Variants in CALN1 observed in about 807,000 individuals in gnomAD.
CALN1 encodes calneuron 1.
A neutral mutation model predicts 30.6 loss-of-function variants in CALN1; 17 were observed. The observed-to-expected ratio is 0.56, with a 90% CI of 0.38 to 0.83. The LOEUF (loss-of-function observed/expected upper bound fraction) is 0.83. Among genes scored for constraint, CALN1 ranks in the 40% least tolerant of loss-of-function variants. The probability of loss-of-function intolerance (pLI) is 0.00; values close to 1 mark genes in which losing one functional copy is unlikely to be tolerated. For missense variants in CALN1, 291 were observed against 354.9 expected, an observed-to-expected ratio of 0.82 and a Z score of 1.45; for synonymous variants, 156 against 131.4, an observed-to-expected ratio of 1.19 and a Z score of -1.28.
chr7:72,265,353 A>C (rs1796532888), intron 3 of CALN1, among the ~76,000 whole-genome samples: 1 of 152,182 alleles, frequency 6.6e-6, no homozygotes, highest in East Asian at 1.9e-4. Flanking sequence ...TTGCTGCTAG[A>C]ACATGTTGCT....
intron 2 of CALN1, among the ~76,000 whole-genome samples, chr7:72,283,142 TAAG>T (rs1797847456): frequency 6.6e-6 from 1 of 151,712 alleles, no homozygotes; most frequent in Admixed American, 6.6e-5. Context: ...GCCAGGTAAA[TAAG>T]TAGTTTGACC....
At position 72,343,739 on chromosome 7, in the gene CALN1, T is replaced by C. The variant is rs61650618; in HGVS notation, c.119+59512A>G. Among the ~76,000 whole-genome samples, 526 of 152,288 alleles carry C rather than the reference T, an allele frequency of 3.5e-3. 3 individuals are homozygous for C. The highest frequency in any genetic ancestry group is 0.012 in the African/African-American group (498 of 41,564). ...GTTTTTTAGCAGAATTGAGATGGAA[T>C]AGCAAGGAACCAGGGTTTGCTGAGT... On this transcript the variant is annotated intron_variant, in intron 2 of 6. Transcript: ENST00000395275.
Position 71,873,792 on chromosome 7 carries a change from G to A in CALN1, c.502-63300C>T, listed in dbSNP as rs190832345. Among the ~76,000 whole-genome samples the A allele has an allele frequency of 2.6e-3, 396 of 152,276 alleles. 1 individual carries two copies. Among genetic ancestry groups the A allele is most frequent in the Middle Eastern group, 6.8e-3 (2 of 294 alleles). Reference sequence around the variant, plus strand: ...TTCTGAAGACTTGACACTACCTTGAGCTTTTATTCTACAGGGGAAAAATGA... The same window carrying A: ...TTCTGAAGACTTGACACTACCTTGAACTTTTATTCTACAGGGGAAAAATGA... On this transcript the variant is annotated intron_variant, in intron 5 of 6. Transcript: ENST00000395275.
intron 5 of CALN1, among the ~76,000 whole-genome samples, chr7:71,887,695 T>A (rs1011436735): frequency 3.3e-5 from 5 of 151,564 alleles, no homozygotes; most frequent in African/African-American, 1.2e-4. Flanking sequence ...AAGCAAGAGG[T>A]CATCAAGGTG....
chr7:71,793,262 C>G (rs549819216), intron 6 of CALN1, among the ~76,000 whole-genome samples: 1 of 152,022 alleles, frequency 6.6e-6, no homozygotes, highest in Non-Finnish European at 1.5e-5. Context: ...GCCGAAACTG[C>G]GCCATTGCAC....
intron 5 of CALN1, among the ~76,000 whole-genome samples, chr7:71,919,883 T>C (rs1464415343): frequency 6.6e-6 from 1 of 152,216 alleles, no homozygotes; most frequent in Non-Finnish European, 1.5e-5. Context: ...GTAAGTGGTA[T>C]TTATTATCTA....
chr7:72,454,469 A>G, the CALN1 span, among the ~76,000 whole-genome samples: 1 of 152,328 alleles, frequency 6.6e-6, no homozygotes, highest in African/African-American at 2.4e-5. Flanking sequence ...TAAAGTGACC[A>G]GTTTTGAATG....
chr7:72,166,200 T>TTTTG lies in CALN1; in HGVS notation c.245-59910_245-59907dup, dbSNP rs374795286. 6.4e-3 allele frequency among the ~76,000 whole-genome samples: 974 copies of TTTTG among 152,200 alleles called. 10 individuals carry two copies. The highest frequency in any genetic ancestry group is 0.02 in the African/African-American group (848 of 41,514). On this transcript the variant is annotated intron_variant, in intron 3 of 6. Coordinates refer to ENST00000395275, the MANE Select transcript of CALN1 (RefSeq NM_031468.4). ...TTTTGCCCTGGTTCAGGTTTCTGTT[T>TTTTG]TTTGTTTGTTTGTTTGTTTTTGAGA...
intron 2 of CALN1, among the ~76,000 whole-genome samples, chr7:72,369,630 G>A (rs1439326577): frequency 6.6e-6 from 1 of 151,964 alleles, no homozygotes; most frequent in Non-Finnish European, 1.5e-5. Flanking sequence ...CAAAGTGCTG[G>A]GATTACAAGC....
At chr7:72,209,033 C>CTT (rs1792119098) in intron 3 of CALN1, among the ~76,000 whole-genome samples, 1 of 3,602 alleles carries the variant, frequency 2.8e-4, no homozygotes, top group South Asian at 0.015. Context: ...TCCCTCCTTC[C>CTT]TTCTCTCTCT....
At chr7:71,977,196 T>A (rs527922996) in intron 5 of CALN1, among the ~76,000 whole-genome samples, 12 of 152,198 alleles carry the variant, frequency 7.9e-5, no homozygotes, top group Admixed American at 7.2e-4. Context: ...ATGTCTCTAA[T>A]CTCAGTGCTT....
chr7:72,286,331 A>G (rs12699131), intron 2 of CALN1, among the ~76,000 whole-genome samples: 72,023 of 151,980 alleles, frequency 0.47, 17,860 homozygotes, highest in South Asian at 0.68. Context: ...CTCATGGATC[A>G]TAACTCCCAG....
At chr7:72,054,410 T>TAC (rs1803050494) in intron 4 of CALN1, among the ~76,000 whole-genome samples, 1 of 102,964 alleles carries the variant, frequency 9.7e-6, no homozygotes, top group Non-Finnish European at 1.8e-5. Context: ...TACATATATA[T>TAC]ATATATACGT....
At chr7:72,473,734 A>C in the CALN1 span, among the ~76,000 whole-genome samples, 1 of 152,040 alleles carries the variant, frequency 6.6e-6, no homozygotes, top group Non-Finnish European at 1.5e-5. Context: ...GGAGTTCGAG[A>C]CCAGCCTGGC....
intron 1 of CALN1, among the ~76,000 whole-genome samples, chr7:72,418,490 G>A (rs1384262831): frequency 6.6e-6 from 1 of 152,162 alleles, no homozygotes; most frequent in Non-Finnish European, 1.5e-5. Flanking sequence ...AAGGGGCTCT[G>A]CCCAGGGTGA....
At chr7:71,839,894 AG>A (rs1789833082) in intron 5 of CALN1, among the ~76,000 whole-genome samples, 1 of 152,134 alleles carries the variant, frequency 6.6e-6, no homozygotes, top group Non-Finnish European at 1.5e-5. Context: ...CCAGATTCAA[AG>A]GGTGGGAAGG....
chr7:72,291,334 A>T (rs1482303979), intron 2 of CALN1, among the ~76,000 whole-genome samples: 1 of 152,218 alleles, frequency 6.6e-6, no homozygotes, highest in Admixed American at 6.5e-5. Flanking sequence ...TCCCAGTGAC[A>T]AACTGTTTCC....
At chr7:72,029,590 C>A (rs555178804) in intron 4 of CALN1, among the ~76,000 whole-genome samples, 1 of 152,230 alleles carries the variant, frequency 6.6e-6, no homozygotes, top group African/African-American at 2.4e-5. Context: ...TGCCATCTCC[C>A]CAACCTCCAG....
chr7:72,414,090 C>T (rs571738862), upstream of CALN1, among the ~76,000 whole-genome samples: 38 of 152,150 alleles, frequency 2.5e-4, no homozygotes, highest in East Asian at 7.4e-3. Context: ...TTCCCATCAC[C>T]CTCGCCAAGC....
Sources: gnomAD v4.1 joint callset for allele counts (sites outside exome capture counted in the v4.1 genomes callset) on GRCh38, gnomAD v4.1.1 for gene constraint, MANE v1.5 for transcripts, NCBI Gene and HGNC (gene_info 2026-07-23, HGNC 2026-07-21) for gene names.